Variants in BOD1L1 observed in about 807,000 individuals in gnomAD.
BOD1L1 encodes the protein biorientation of chromosomes in cell division protein 1-like 1.
Under a neutral mutation model 240.7 loss-of-function variants are expected in BOD1L1, and 86 were observed. The observed-to-expected ratio is 0.36, with a 90% CI of 0.30 to 0.43. BOD1L1 has a LOEUF of 0.43. Among genes scored for constraint, BOD1L1 ranks in the 20% least tolerant of loss-of-function variants. The pLI is 1.00. For synonymous variants in BOD1L1, 1,268 were observed against 1,272.3 expected (o/e 1.00, Z 0.07); for missense variants, 3,554 against 3,643.5 (o/e 0.98, Z 0.63).
At chr4:13,581,353 G>A in intron 19 of BOD1L1, 146 bp from the exon 20 acceptor site, 1 of 601,624 alleles carries the variant, frequency 1.7e-6, no homozygotes, top group South Asian at 2.4e-5. Context: ...ATGTGATGTA[G>A]GGCTTAGTGT....
chr4:13,623,358 T>C (rs1217590602), intron 1 of BOD1L1: 1 of 152,142 alleles, frequency 6.6e-6, no homozygotes, highest in Non-Finnish European at 1.5e-5. Flanking sequence ...AAATCAGACT[T>C]TCTTACTTGA....
chr4:13,573,470 A>ATCTATCTTTCTTTCTT (rs71169517), intron 25 of BOD1L1, among the ~76,000 whole-genome samples: 33 of 122,726 alleles, frequency 2.7e-4, no homozygotes, highest in African/African-American at 9.2e-4. Flanking sequence ...CTATCTATCT[A>ATCTATCTTTCTTTCTT]TCTTTCTTTC....
chr4:13,569,938 C>G lies in BOD1L1; in HGVS notation c.*73G>C. 8.7e-7 allele frequency: 1 copy of G among 1,143,490 alleles called. No homozygotes were observed. The highest frequency in any genetic ancestry group is 1.2e-6 in the Non-Finnish European group (1 of 847,856). The allele number at this position is 1,143,490 out of a possible 1,614,324, so 70.8% of individuals were successfully genotyped here. ...ATCTTTTTCCTGGTTAAAGAGAAGC[C>G]TATGGCCACCAAGGCATGTCTCTTT... On this transcript the variant is annotated 3_prime_UTR_variant, in exon 26 of 26. Transcript: ENST00000040738.
chr4:13,579,278 A>T (rs1380152934), intron 22 of BOD1L1, among the ~76,000 whole-genome samples: 2 of 152,232 alleles, frequency 1.3e-5, no homozygotes, highest in Non-Finnish European at 2.9e-5. Flanking sequence ...CTACAAAATT[A>T]TTAATAAAAA....
intron 1 of BOD1L1, 119 bp downstream of exon 1, chr4:13,627,226 T>A (rs1577393115): frequency 2.4e-6 from 1 of 421,558 alleles, no homozygotes. Context: ...ATGAACACTC[T>A]GTGCTTTGCA....
intron 2 of BOD1L1, among the ~76,000 whole-genome samples, chr4:13,616,680 T>C (rs899982099): frequency 1.3e-5 from 2 of 152,204 alleles, no homozygotes; most frequent in African/African-American, 4.8e-5. Context: ...ACAAATGCTA[T>C]TTTTGAGTGC....
At chr4:13,585,665 C>T (rs1713620131) in intron 17 of BOD1L1, among the ~76,000 whole-genome samples, 1 of 152,086 alleles carries the variant, frequency 6.6e-6, no homozygotes, top group Non-Finnish European at 1.5e-5. Context: ...GCTGTGACCC[C>T]ACTCAAATCT....
chr4:13,583,490 G>C (rs1256242155), intron 17 of BOD1L1, among the ~76,000 whole-genome samples: 1 of 152,134 alleles, frequency 6.6e-6, no homozygotes, highest in East Asian at 1.9e-4. Flanking sequence ...CTACTTGGAT[G>C]CATTCAATGT....
chr4:13,597,146 A>G lies in BOD1L1; in HGVS notation c.7977T>C (p.Asn2659=), dbSNP rs1425833521. The G allele has an allele frequency of 6.3e-7, 1 of 1,595,454 alleles. No homozygotes were observed. Among genetic ancestry groups the G allele is most frequent in the Non-Finnish European group, 8.5e-7 (1 of 1,169,896 alleles). The change falls in exon 11 of 26, where the codon AAT becomes AAC. Residue 2659 remains asparagine (N), a synonymous_variant. Coordinates refer to ENST00000040738, the MANE Select transcript of BOD1L1 (RefSeq NM_148894.3). ...CTTTCAGTTTCAATCCTCCCAAAAC[A>G]TTCAATGGAGACTCTTCATTGCCTA... ...CDIGNEESPL[N]VLGGLKLKAN... is the part of the protein sequence containing the mutation.
Position 13,599,083 on chromosome 4 carries a change from T to C in BOD1L1, c.7817A>G (p.Lys2606Arg), listed in dbSNP as rs370841383. 6.2e-7 allele frequency: 1 copy of C among 1,613,916 alleles called. No individual in the cohort carries two copies. The highest frequency in any genetic ancestry group is 1.1e-5 in the South Asian group (1 of 91,084). ...APKCEQDLTIKNDYSGKWTDQ... is the reference protein window; with the variant it reads ...APKCEQDLTIRNDYSGKWTDQ... ...AGTCCATTTGCCACTATAATCATTC[T>C]TTATAGTCAAGTCCTGCTCACATTT... is the stretch of plus-strand genomic sequence containing the variant. The change falls in exon 10 of 26, where the codon AAG becomes AGG. Residue 2606 changes from lysine (K) to arginine (R), a missense_variant. Physicochemically the swap from Lys to Arg is conservative, Grantham distance 26. This residue lies in a region of BOD1L1 where 3,393 missense variants were observed against 3,427.1 expected (regional missense o/e 0.99). Transcript: ENST00000040738.
rs767556482 is a variant in BOD1L1, at chr4:13,599,415, T to C, written c.7485A>G (p.Leu2495=). Residue 2495 remains leucine, a synonymous_variant, in exon 10 of 26, where the codon TTA becomes TTG. Coordinates refer to ENST00000040738, the MANE Select transcript of BOD1L1 (RefSeq NM_148894.3). ...STASYSAGRG[L]EGNANSPAHL... ...GGGCAGGTGAGTTAGCATTCCCCTC[T>C]AAGCCCCTTCCTGCTGAATAACTTG... The C allele has an allele frequency of 6.2e-7, 1 of 1,614,032 alleles. No individual in the cohort carries two copies.
intron 16 of BOD1L1, among the ~76,000 whole-genome samples, chr4:13,586,754 C>T (rs939852034): frequency 6.6e-6 from 1 of 152,156 alleles, no homozygotes; most frequent in Non-Finnish European, 1.5e-5. Context: ...GTATAGTTTC[C>T]AGAGATACTT....
Position 13,604,624 on chromosome 4 carries a change from A to C in BOD1L1, c.2276T>G (p.Leu759Arg), listed in dbSNP as rs1715528488. Residue 759 changes from leucine to arginine, a missense_variant, in exon 10 of 26, where the codon CTT (leucine) becomes CGT (arginine). Transcript: ENST00000040738. ...CMHKTGDETE[L>R]HSSEKGLKVE... ...TTTTAAACCTTTCTCAGAAGAGTGA[A>C]GCTCAGTCTCATCACCTGTTTTATG... 1 of 1,576,884 alleles carries C rather than the reference A, an allele frequency of 6.3e-7. No individual in the cohort carries two copies. Among genetic ancestry groups the C allele is most frequent in the Non-Finnish European group, 8.6e-7 (1 of 1,169,334 alleles).
In BOD1L1 at chr4:13,600,891, C is replaced by G. The variant is rs370544082; in HGVS notation, c.6009G>C (p.Leu2003=). 5 of 1,613,832 alleles carry G rather than the reference C, an allele frequency of 3.1e-6. No individual in the cohort carries two copies. Among genetic ancestry groups the G allele is most frequent in the Non-Finnish European group, 4.2e-6 (5 of 1,179,888 alleles). The part of the protein sequence containing the change: ...KVEDTTISTG[L]VGGSYDVLVS... ...CAAGAACATCGTAACTACCCCCGAC[C>G]AGGCCAGTGGAAATAGTGGTATCTT... is the stretch of plus-strand genomic sequence containing the variant. The change falls in exon 10 of 26, where the codon CTG becomes CTC. Residue 2003 remains leucine (L), a synonymous_variant. Coordinates refer to ENST00000040738, the MANE Select transcript of BOD1L1 (RefSeq NM_148894.3).
At position 13,614,938 on chromosome 4, in the gene BOD1L1, T is replaced by C. The variant is rs1030189748; in HGVS notation, c.560-128A>G. 4 of 1,048,602 alleles carry C rather than the reference T, an allele frequency of 3.8e-6. No individual in the cohort carries two copies. The African/African-American group carries it at 6.5e-5, about 17-fold the overall frequency. 65.0% of individuals were successfully genotyped at this position (1,048,602 alleles called of 1,614,324 possible). ...TGTGCAGACCATCTGTATATTCTTT[T>C]AGACTTTCAGGTACCAGTACTAGTA... On this transcript the variant is annotated intron_variant, in intron 3 of 25. Coordinates refer to ENST00000040738, the MANE Select transcript of BOD1L1 (RefSeq NM_148894.3).
chr4:13,576,929 C>A lies in BOD1L1; in HGVS notation c.8947G>T (p.Glu2983Ter), dbSNP rs757828138. 1 of 1,613,838 alleles carries A rather than the reference C, an allele frequency of 6.2e-7. No individual in the cohort carries two copies. The highest frequency in any genetic ancestry group is 8.5e-7 in the Non-Finnish European group (1 of 1,179,868). Residue 2983 changes from glutamate (E) to a stop codon, truncating the protein, a stop_gained, in exon 25 of 26, where the codon GAG (glutamate) becomes TAG (stop). Transcript: ENST00000040738. LOFTEE classifies it high-confidence loss of function. ...TCCTCTTCCTCATCAGACTCCTGCT[C>A]TTTCTTGTCCTCCACTGGATCAGAA... ...SVSDPVEDKK[E>*]QESDEEEEEE... is the part of the protein sequence containing the mutation.
In BOD1L1 at chr4:13,609,326, T is replaced by C; in HGVS notation, c.1572A>G (p.Glu524=). The C allele has an allele frequency of 6.4e-7, 1 of 1,557,280 alleles. No individual in the cohort carries two copies. The highest frequency in any genetic ancestry group is 8.7e-7 in the Non-Finnish European group (1 of 1,154,338). Residue 524 remains glutamate (E), a synonymous_variant, in exon 7 of 26, where the codon GAA becomes GAG. Coordinates refer to ENST00000040738, the MANE Select transcript of BOD1L1 (RefSeq NM_148894.3). The part of the protein sequence containing the change: ...KLEEKRKQKA[E]KTKSSKTKGQ... Reference sequence around the variant, plus strand: ...CCTTGGTTTTTGAAGACTTTGTCTTTTCTGCTTTCTGTTTTCGTTTTTCTT... The same window carrying C: ...CCTTGGTTTTTGAAGACTTTGTCTTCTCTGCTTTCTGTTTTCGTTTTTCTT...
chr4:13,604,269 A>G lies in BOD1L1; in HGVS notation c.2631T>C (p.Asp877=). 6.2e-7 allele frequency: 1 copy of G among 1,610,586 alleles called. No individual in the cohort carries two copies. Among genetic ancestry groups the G allele is most frequent in the African/African-American group, 1.3e-5 (1 of 74,838 alleles). Residue 877 remains aspartate, a synonymous_variant, in exon 10 of 26, where the codon GAT becomes GAC. Coordinates refer to ENST00000040738, the MANE Select transcript of BOD1L1 (RefSeq NM_148894.3). ...TACTATCCATGTTAGTGGAGTCCAT[A>G]TCACACTTATCTTCCGAATAACTTT... ...RSESYSEDKC[D]MDSTNMDSNL...
At chr4:13,618,868 A>T (rs928005880) in intron 2 of BOD1L1, among the ~76,000 whole-genome samples, 5 of 27,398 alleles carry the variant, frequency 1.8e-4, no homozygotes, top group African/African-American at 2.5e-4. Context: ...TTTAACTGTT[A>T]AAAAAAAAAA....
Sources: allele counts gnomAD v4.1 joint callset (sites outside exome capture counted in the v4.1 genomes callset), GRCh38; gene constraint gnomAD v4.1.1; regional missense constraint gnomAD v4.1.1; transcripts MANE v1.5; gene names NCBI Gene and HGNC (gene_info 2026-07-23, HGNC 2026-07-21).